The following DSG1 variants were observed in gnomAD, a reference collection of about 807,000 sequenced individuals.
DSG1 encodes the protein desmoglein-1.
In DSG1, 39 loss-of-function variants were observed where a neutral mutation model predicts 97.5. The observed-to-expected ratio is 0.40, with a 90% CI of 0.31 to 0.52. DSG1 has a LOEUF of 0.52. Ranked by LOEUF, DSG1 falls within the 20% of genes least tolerant of loss-of-function variation. DSG1 has a pLI of 0.53. For synonymous variants in DSG1, 475 were observed against 443.4 expected (o/e 1.07, Z -0.90); for missense variants, 1,311 against 1,295.4 (o/e 1.01, Z -0.18).
Position 31,357,367 on chromosome 18 carries a change from G to A in DSG1, c.*2021G>A, listed in dbSNP as rs1286633252. ...GATGGGTAATCTTTCCAGGAATAAA[G>A]TCAAAAGGTATTTATTAAGACATAC... is the stretch of plus-strand genomic sequence containing the variant. On this transcript the variant is annotated 3_prime_UTR_variant, in exon 15 of 15. Coordinates refer to ENST00000257192, the MANE Select transcript of DSG1 (RefSeq NM_001942.4). 8.5e-5 allele frequency among the ~76,000 whole-genome samples: 13 copies of A among 152,134 alleles called. No homozygotes were observed. The highest frequency in any genetic ancestry group is 4.1e-4 in the South Asian group (2 of 4,824).
intron 9 of DSG1, among the ~76,000 whole-genome samples, chr18:31,337,243 T>C (rs2071761593): frequency 6.6e-6 from 1 of 151,462 alleles, no homozygotes; most frequent in African/African-American, 2.4e-5. Flanking sequence ...TGGGGGTTTT[T>C]TGTTTGTTTG....
chr18:31,351,597 G>A (rs1354249368), intron 14 of DSG1, among the ~76,000 whole-genome samples: 12 of 151,604 alleles, frequency 7.9e-5, no homozygotes, highest in Middle Eastern at 3.4e-3. Flanking sequence ...TTAATGTGTG[G>A]GAGTCTAAGT....
intron 1 of DSG1, among the ~76,000 whole-genome samples, chr18:31,320,043 T>C (rs956354099): frequency 6.6e-6 from 1 of 152,178 alleles, no homozygotes; most frequent in Non-Finnish European, 1.5e-5. Flanking sequence ...TTACAATGTT[T>C]CATTTTCACG....
At chr18:31,321,458 G>A (rs2071653404) in intron 1 of DSG1, among the ~76,000 whole-genome samples, 2 of 152,148 alleles carry the variant, frequency 1.3e-5, no homozygotes, top group South Asian at 4.1e-4. Flanking sequence ...GTAGAAAATG[G>A]AAGGAATATT....
intron 14 of DSG1, among the ~76,000 whole-genome samples, chr18:31,353,712 G>C (rs552754871): frequency 2.6e-5 from 4 of 151,840 alleles, no homozygotes; most frequent in East Asian, 1.9e-4. Context: ...CGCAGTATTC[G>C]GGTGGGAGTG....
chr18:31,358,893 G>C lies in DSG1; in HGVS notation c.*3547G>C, dbSNP rs1473588596. On this transcript the variant is annotated 3_prime_UTR_variant, in exon 15 of 15. Transcript: ENST00000257192. ...CTTCCGGATTATTCAATTTATGTTAGGACAAATCTTGACTAGATCAACCTG... is the reference window on the plus strand; with the variant it reads ...CTTCCGGATTATTCAATTTATGTTACGACAAATCTTGACTAGATCAACCTG... Among the ~76,000 whole-genome samples, 1 of 151,884 alleles carries C rather than the reference G, an allele frequency of 6.6e-6. No individual in the cohort carries two copies. Among genetic ancestry groups the C allele is most frequent in the Non-Finnish European group, 1.5e-5 (1 of 67,952 alleles).
chr18:31,319,191 C>T (rs567476889), intron 1 of DSG1, among the ~76,000 whole-genome samples: 1 of 152,282 alleles, frequency 6.6e-6, no homozygotes, highest in Admixed American at 6.5e-5. Context: ...GTCAATTTCA[C>T]TTTCAGTGAA....
intron 9 of DSG1, among the ~76,000 whole-genome samples, chr18:31,337,383 A>G (rs369630410): frequency 5.1e-4 from 77 of 152,144 alleles, no homozygotes; most frequent in African/African-American, 1.7e-3. Flanking sequence ...CAGCCTCCCA[A>G]GTAGCTGGGA....
chr18:31,337,716 C>CAG (rs140498330), intron 9 of DSG1, among the ~76,000 whole-genome samples: 18 of 150,844 alleles, frequency 1.2e-4, no homozygotes, highest in Admixed American at 2.6e-4. Context: ...AGCAGAATGC[C>CAG]AGAGAGAGAG....
intron 1 of DSG1, 84 bp downstream of exon 1, chr18:31,318,432 A>G: frequency 2.9e-6 from 3 of 1,048,858 alleles, no homozygotes; most frequent in Non-Finnish European, 4.5e-6. Context: ...AGTGGGCATT[A>G]TTTCTAACCT....
chr18:31,334,210 A>G lies in DSG1; in HGVS notation c.1005+8A>G, dbSNP rs766134975. 8 of 1,524,428 alleles carry G rather than the reference A, an allele frequency of 5.2e-6. No individual in the cohort carries two copies. The South Asian group carries it at 9.1e-5, about 17-fold the overall frequency. 94.4% of individuals were successfully genotyped at this position (1,524,428 alleles called of 1,614,324 possible). A position where few individuals can be genotyped will look rare whatever the true frequency, so the allele number is the denominator to read the frequency against. On this transcript the variant is annotated splice_region_variant and intron_variant, in intron 8 of 14. Coordinates refer to ENST00000257192, the MANE Select transcript of DSG1 (RefSeq NM_001942.4). Reference sequence around the variant, plus strand: ...ATTTTAAAGGTTGTTAAGGTATGGTATAATTATCCTAAATATTTTGTTTTC... The same window carrying G: ...ATTTTAAAGGTTGTTAAGGTATGGTGTAATTATCCTAAATATTTTGTTTTC...
In DSG1 at chr18:31,357,352, C is replaced by A. The variant is rs773066147; in HGVS notation, c.*2006C>A. On this transcript the variant is annotated 3_prime_UTR_variant, in exon 15 of 15. Coordinates refer to ENST00000257192, the MANE Select transcript of DSG1 (RefSeq NM_001942.4). ...GGGGGCCACATTAAGGATGGGTAAT[C>A]TTTCCAGGAATAAAGTCAAAAGGTA... Among the ~76,000 whole-genome samples the A allele has an allele frequency of 3.9e-5, 6 of 151,984 alleles. No homozygotes were observed. The highest frequency in any genetic ancestry group is 8.8e-5 in the Non-Finnish European group (6 of 67,922).
chr18:31,322,740 A>G (rs2071661835), intron 1 of DSG1, among the ~76,000 whole-genome samples: 1 of 152,256 alleles, frequency 6.6e-6, no homozygotes, highest in Non-Finnish European at 1.5e-5. Flanking sequence ...AAACGTAACA[A>G]TTATGTTAGA....
At chr18:31,333,563 A>G in intron 6 of DSG1, 26 bp from the exon 7 acceptor site, 1 of 1,613,558 alleles carries the variant, frequency 6.2e-7, no homozygotes, top group East Asian at 2.2e-5. Flanking sequence ...GTCAAGTGTG[A>G]TATTGCCTGT....
intron 1 of DSG1, among the ~76,000 whole-genome samples, chr18:31,324,646 A>AC (rs1399708716): frequency 6.6e-6 from 1 of 151,748 alleles, no homozygotes; most frequent in Admixed American, 6.6e-5. Context: ...TCTCTCGAAC[A>AC]CCCCCATCCC....
At chr18:31,334,327 T>C in intron 8 of DSG1, 125 bp downstream of exon 8, 1 of 615,428 alleles carries the variant, frequency 1.6e-6, no homozygotes, top group South Asian at 2.0e-5. Flanking sequence ...TACTGTGTTT[T>C]AAATATATAT....
intron 14 of DSG1, 28 bp downstream of exon 14, chr18:31,346,226 C>A (rs371161126): frequency 9.5e-6 from 15 of 1,573,722 alleles, no homozygotes; most frequent in Non-Finnish European, 1.3e-5. Context: ...ATGCCTTTCT[C>A]GCCATCCATG....
At position 31,333,646 on chromosome 18, in the gene DSG1, G is replaced by A; in HGVS notation, c.742G>A (p.Gly248Ser). Residue 248 changes from glycine (G) to serine (S), a missense_variant, in exon 7 of 15, where the codon GGC becomes AGC. This residue lies in a region of DSG1 where 259 missense variants were observed against 304.1 expected (regional missense o/e 0.85). Coordinates refer to ENST00000257192, the MANE Select transcript of DSG1 (RefSeq NM_001942.4). ...RGSDRDGGAD[G>S]MSAECECNIK... ...CTCTGACCGAGATGGCGGGGCAGAT[G>A]GCATGTCAGCGGAATGTGAGTGCAA... 1.2e-6 allele frequency: 2 copies of A among 1,613,822 alleles called. No homozygotes were observed. Among genetic ancestry groups the A allele is most frequent in the South Asian group, 1.1e-5 (1 of 91,060 alleles).
chr18:31,358,772 A>G lies in DSG1; in HGVS notation c.*3426A>G, dbSNP rs937388728. Among the ~76,000 whole-genome samples, 1 of 151,408 alleles carries G rather than the reference A, an allele frequency of 6.6e-6. No individual in the cohort carries two copies. The highest frequency in any genetic ancestry group is 1.5e-5 in the Non-Finnish European group (1 of 67,756). ...TTCATAAATTCCAACTTTTTTTTTTACAATTTCTGGATTTTTAAGACCCAT... is the reference window on the plus strand; with the variant it reads ...TTCATAAATTCCAACTTTTTTTTTTGCAATTTCTGGATTTTTAAGACCCAT... On this transcript the variant is annotated 3_prime_UTR_variant, in exon 15 of 15. Coordinates refer to ENST00000257192, the MANE Select transcript of DSG1 (RefSeq NM_001942.4).
Sources: gnomAD v4.1 joint callset for allele counts (sites outside exome capture counted in the v4.1 genomes callset) on GRCh38, gnomAD v4.1.1 for gene constraint, gnomAD v4.1.1 regional missense constraint, MANE v1.5 for transcripts, NCBI Gene and HGNC (gene_info 2026-07-23, HGNC 2026-07-21) for gene names.